WASHC4: variants seen among roughly 807,000 people sequenced by gnomAD.
The protein encoded by WASHC4 is WASH complex subunit 4.
In WASHC4, 86 loss-of-function variants were observed where a neutral mutation model predicts 166.6. The ratio of observed to expected loss-of-function variants is 0.52; its 90% confidence interval spans 0.43 to 0.62. The LOEUF (loss-of-function observed/expected upper bound fraction) is 0.62. WASHC4 is among the 20% of genes least tolerant of loss of function. The pLI, the probability that WASHC4 is intolerant of heterozygous loss-of-function variation, is 0.00. For synonymous variants in WASHC4, 446 were observed against 451.6 expected, an observed-to-expected ratio of 0.99 and a Z score of 0.16; for missense variants, 1,262 against 1,382.4, an observed-to-expected ratio of 0.91 and a Z score of 1.38.
chr12:105,129,474 G>A (rs995972339), intron 13 of WASHC4, among the ~76,000 whole-genome samples: 1 of 152,166 alleles, frequency 6.6e-6, no homozygotes, highest in Non-Finnish European at 1.5e-5. Context: ...ATGTGTCATG[G>A]GGGTTTGTTG....
chr12:105,164,263 C>A lies in WASHC4; in HGVS notation c.3310C>A (p.Gln1104Lys), dbSNP rs780348404. Residue 1104 changes from glutamine (Q) to lysine (K), a missense_variant, in exon 31 of 33, where the codon CAA (glutamine) becomes AAA (lysine). Gln to Lys is a moderately conservative substitution (Grantham distance 53). Coordinates refer to ENST00000332180, the MANE Select transcript of WASHC4 (RefSeq NM_015275.3). ...AGCCAGTCAAGATGAAAAACTCTTA[C>A]AAACCATGAATCTCACTCAGAAGCG... ...QSASQDEKLL[Q>K]TMNLTQKRLD... 1 of 1,613,990 alleles carries A rather than the reference C, an allele frequency of 6.2e-7. No homozygotes were observed. Among genetic ancestry groups the A allele is most frequent in the Non-Finnish European group, 8.5e-7 (1 of 1,179,928 alleles).
intron 1 of WASHC4, among the ~76,000 whole-genome samples, chr12:105,110,704 G>A (rs1463067223): frequency 6.6e-6 from 1 of 152,166 alleles, no homozygotes; most frequent in Non-Finnish European, 1.5e-5. Context: ...ACATTTTTAA[G>A]TGTTACTTCT....
At chr12:105,144,490 C>G (rs1427015473) in intron 21 of WASHC4, 35 bp downstream of exon 21, 2 of 1,444,936 alleles carry the variant, frequency 1.4e-6, no homozygotes, top group Non-Finnish European at 1.9e-6. Context: ...GAGTCATATT[C>G]TCTTTTTTTT....
chr12:105,121,850 C>G (rs1880784503), intron 9 of WASHC4, among the ~76,000 whole-genome samples: 1 of 151,904 alleles, frequency 6.6e-6, no homozygotes, highest in African/African-American at 2.4e-5. Flanking sequence ...TATTGTATAC[C>G]CTGAATTTTT....
At chr12:105,153,357 C>T (rs1173534905) in intron 26 of WASHC4, among the ~76,000 whole-genome samples, 1 of 152,164 alleles carries the variant, frequency 6.6e-6, no homozygotes, top group Admixed American at 6.5e-5. Context: ...ACGTTATAAG[C>T]ATTTCATTCT....
Position 105,164,229 on chromosome 12 carries a change from T to C in WASHC4, c.3276T>C (p.Asn1092=), listed in dbSNP as rs537089931. The stretch of plus-strand genomic sequence containing the variant: ...TAAGAGCAGTTGCTAAGCAACAGAA[T>C]GTACAGTCAGCCAGTCAAGATGAAA... ...KEIRAVAKQQ[N]VQSASQDEKL... The change falls in exon 31 of 33, where the codon AAT becomes AAC. Residue 1092 remains asparagine (N), a synonymous_variant. Transcript: ENST00000332180. The C allele has an allele frequency of 1.5e-5, 24 of 1,614,014 alleles. No individual in the cohort carries two copies. The highest frequency in any genetic ancestry group is 1.9e-5 in the Non-Finnish European group (23 of 1,179,996).
chr12:105,143,954 T>TG (rs2135799762), intron 20 of WASHC4, among the ~76,000 whole-genome samples: 1 of 146,246 alleles, frequency 6.8e-6, no homozygotes, highest in South Asian at 2.2e-4. Flanking sequence ...ATGAATTTTG[T>TG]GATTTTTTTT....
At chr12:105,126,831 C>T (rs1260207828) in intron 12 of WASHC4, among the ~76,000 whole-genome samples, 2 of 151,942 alleles carry the variant, frequency 1.3e-5, no homozygotes, top group Non-Finnish European at 2.9e-5. Context: ...AACTAAAAGA[C>T]ATGAAGATTC....
At position 105,107,804 on chromosome 12, in the gene WASHC4, G is replaced by T; in HGVS notation, c.4G>T (p.Ala2Ser). The change falls in exon 1 of 33, where the codon GCG (alanine) becomes TCG (serine). Residue 2 changes from alanine (A) to serine (S), a missense_variant. Physicochemically the swap from Ala to Ser is moderately conservative, Grantham distance 99. Transcript: ENST00000332180. M[A>S]VETLSPDWEF... ...GTCTGTGGGAGGCGCCGGGGTGATG[G>T]CGGTGGAGACTCTGTCCCCGGACTG... The T allele has an allele frequency of 6.4e-7, 1 of 1,550,814 alleles. No individual in the cohort carries two copies. The highest frequency in any genetic ancestry group is 8.7e-7 in the Non-Finnish European group (1 of 1,146,390).
intron 30 of WASHC4, 44 bp downstream of exon 30, chr12:105,162,889 T>C: frequency 1.1e-6 from 1 of 939,118 alleles, no homozygotes; most frequent in Non-Finnish European, 1.7e-6. Context: ...TATATTGACC[T>C]TGTAATGGAT....
At chr12:105,166,485 A>G (rs890517804) in intron 32 of WASHC4, among the ~76,000 whole-genome samples, 4 of 152,140 alleles carry the variant, frequency 2.6e-5, no homozygotes, top group Admixed American at 1.3e-4. Flanking sequence ...AGGAATGACA[A>G]TGTACTGTAA....
At chr12:105,121,997 C>A in intron 9 of WASHC4, 121 bp from the exon 10 acceptor site, 1 of 689,574 alleles carries the variant, frequency 1.5e-6, no homozygotes. Context: ...TTCAAATTTT[C>A]AAATGTGTAG....
chr12:105,113,919 G>A (rs1048185913), intron 2 of WASHC4, among the ~76,000 whole-genome samples: 3 of 151,972 alleles, frequency 2.0e-5, no homozygotes, highest in Non-Finnish European at 2.9e-5. Context: ...CATAACTAAT[G>A]GAGTTTAATA....
intron 14 of WASHC4, among the ~76,000 whole-genome samples, chr12:105,135,745 T>C (rs554006240): frequency 1.1e-4 from 16 of 152,304 alleles, no homozygotes; most frequent in Non-Finnish European, 2.1e-4. Context: ...TTTAGCTGGC[T>C]TTTTTATAGT....
chr12:105,114,431 ATTAT>A lies in WASHC4; in HGVS notation c.321+7_321+10del, dbSNP rs769058206. 1 of 1,552,072 alleles carries A rather than the reference ATTAT, an allele frequency of 6.4e-7. No individual in the cohort carries two copies. The highest frequency in any genetic ancestry group is 1.1e-5 in the South Asian group (1 of 87,294). ...AATCAAGAAATTAAAATATGAGGTA[ATTAT>A]TTGAATTCTTGTCTTAAAACTTTAA... On this transcript the variant is annotated splice_donor_5th_base_variant and intron_variant, in intron 4 of 32. Coordinates refer to ENST00000332180, the MANE Select transcript of WASHC4 (RefSeq NM_015275.3).
chr12:105,149,338 C>A, intron 24 of WASHC4: 1 of 1,021,702 alleles, frequency 9.8e-7, no homozygotes, highest in East Asian at 9.5e-5. Context: ...ATTCTCACTA[C>A]AGCCCTTAGT....
chr12:105,115,604 A>C, intron 5 of WASHC4, 57 bp from the exon 6 acceptor site: 1 of 1,247,442 alleles, frequency 8.0e-7, no homozygotes, highest in Non-Finnish European at 1.2e-6. Flanking sequence ...CTTTTTTGGT[A>C]TTGATTGAGT....
At chr12:105,152,229 T>G (rs371438096) in intron 25 of WASHC4, 114 bp from the exon 26 acceptor site, 2 of 659,984 alleles carry the variant, frequency 3.0e-6, no homozygotes, top group African/African-American at 1.8e-5. Flanking sequence ...AATTAATTTT[T>G]AAGCACAATG....
Position 105,142,385 on chromosome 12 carries a change from G to A in WASHC4, c.1788-68G>A. The stretch of plus-strand genomic sequence containing the variant: ...TGGAACTCTTCCTTCTGTAGTAGAT[G>A]TCATTCCTTTCATATTGTTTTGGGA... On this transcript the variant is annotated intron_variant, in intron 18 of 32. Transcript: ENST00000332180. The A allele has an allele frequency of 7.9e-6, 7 of 890,886 alleles. No individual in the cohort carries two copies. The South Asian group carries it at 9.2e-5, about 12-fold the overall frequency. 55.2% of individuals were successfully genotyped at this position (890,886 alleles called of 1,614,324 possible). A position where few individuals can be genotyped will look rare whatever the true frequency, so the allele number is the denominator to read the frequency against.
Sources: gnomAD v4.1 joint callset for allele counts (sites outside exome capture counted in the v4.1 genomes callset) on GRCh38, gnomAD v4.1.1 for gene constraint, MANE v1.5 for transcripts, NCBI Gene and HGNC (gene_info 2026-07-23, HGNC 2026-07-21) for gene names.